Variants in PRDM1 observed in about 807,000 individuals in gnomAD.
The protein encoded by PRDM1 is PR domain zinc finger protein 1.
Under a neutral mutation model 62.8 loss-of-function variants are expected in PRDM1, and 13 were observed. That is an observed-to-expected ratio of 0.21 (90% CI 0.13 to 0.33). The LOEUF is 0.33. Ranked by LOEUF, PRDM1 falls within the 10% of genes least tolerant of loss-of-function variation. The pLI is 1.00. For missense variants in PRDM1, 895 were observed against 1,058.8 expected (o/e 0.85, Z 2.15); for synonymous variants, 396 against 417.6 (o/e 0.95, Z 0.63).
chr6:106,068,215 C>G (rs560980385), intron 1 of PRDM1, among the ~76,000 whole-genome samples: 3 of 152,186 alleles, frequency 2.0e-5, no homozygotes, highest in Non-Finnish European at 4.4e-5. Flanking sequence ...CCTCAGTCTC[C>G]CTGGTAGCTG....
At chr6:106,007,120 G>A (rs1772493208) in intron 1 of PRDM1, among the ~76,000 whole-genome samples, 1 of 151,624 alleles carries the variant, frequency 6.6e-6, no homozygotes, top group East Asian at 1.9e-4. Context: ...TGTTCTTTAG[G>A]AGTTGGTGAA....
At chr6:106,055,757 T>C (rs1773255848) in intron 1 of PRDM1, among the ~76,000 whole-genome samples, 1 of 152,244 alleles carries the variant, frequency 6.6e-6, no homozygotes, top group African/African-American at 2.4e-5. Flanking sequence ...GTTTATTAAC[T>C]AACTTTCTTG....
rs2114650828 is a variant in PRDM1, at chr6:106,104,973, T to C, written c.813T>C (p.Ile271=). 1 of 1,613,954 alleles carries C rather than the reference T, an allele frequency of 6.2e-7. No homozygotes were observed. The highest frequency in any genetic ancestry group is 8.5e-7 in the Non-Finnish European group (1 of 1,179,996). ...SKGKDLYRSN[I]SPLTSEKDLD... ...GAAAGGACCTCTACCGTTCTAACAT[T>C]TCACCCCTCACATCAGAAAAGGACC... Residue 271 remains isoleucine, a synonymous_variant, in exon 5 of 7, where the codon ATT becomes ATC. Transcript: ENST00000369096.
chr6:106,071,376 C>T (rs576573784), intron 1 of PRDM1, among the ~76,000 whole-genome samples: 14 of 151,972 alleles, frequency 9.2e-5, no homozygotes, highest in South Asian at 8.3e-4. Flanking sequence ...ATGTAAGTCA[C>T]GTGTGTATAT....
intron 1 of PRDM1, among the ~76,000 whole-genome samples, chr6:106,032,639 G>C (rs1772861026): frequency 1.3e-5 from 2 of 151,940 alleles, no homozygotes; most frequent in Admixed American, 6.6e-5. Flanking sequence ...GGTTCACCAT[G>C]TTGGCCATGG....
chr6:106,030,946 G>A (rs1303979133), intron 1 of PRDM1, among the ~76,000 whole-genome samples: 3 of 150,390 alleles, frequency 2.0e-5, no homozygotes, highest in Non-Finnish European at 2.9e-5. Context: ...TATGCCTAAA[G>A]AAGTTAACAA....
rs529535840 is a variant in PRDM1 at position 106,012,423 on chromosome 6, A to G, written c.-67+18784A>G. Among the ~76,000 whole-genome samples, 31 of 150,902 alleles carry G rather than the reference A, an allele frequency of 2.1e-4. 1 individual carries two copies. In the South Asian group the frequency reaches 6.3e-3, roughly 31 times the overall value. On this transcript the variant is annotated intron_variant, in intron 1 of 6. Coordinates refer to the PRDM1 transcript ENST00000652320. Reference sequence around the variant, plus strand: ...CCACATACACACATACACAAAAAACATACTACATACACACAAACATATCAC... The same window carrying G: ...CCACATACACACATACACAAAAAACGTACTACATACACACAAACATATCAC...
At chr6:106,031,936 T>C (rs574788353) in intron 1 of PRDM1, among the ~76,000 whole-genome samples, 70 of 152,240 alleles carry the variant, frequency 4.6e-4, no homozygotes, top group Non-Finnish European at 7.9e-4. Flanking sequence ...ACCATAGCTG[T>C]CTCCTTTAAT....
In PRDM1 at chr6:106,107,547, T is replaced by C. The variant is rs1774532836; in HGVS notation, c.*61T>C. On this transcript the variant is annotated 3_prime_UTR_variant, in exon 7 of 7. Transcript: ENST00000369096. ...ATGACTTGGTGAGTCAGGGTGCCTG[T>C]AGGAAGTGGCTTGTACATAATCCCA... 11 of 1,438,730 alleles carry C rather than the reference T, an allele frequency of 7.6e-6. No homozygotes were observed. Among genetic ancestry groups the C allele is most frequent in the Non-Finnish European group, 1.0e-5 (11 of 1,063,200 alleles). 89.1% of individuals were successfully genotyped at this position (1,438,730 alleles called of 1,614,324 possible). A position where few individuals can be genotyped will look rare whatever the true frequency, so the allele number is the denominator to read the frequency against.
At chr6:106,103,220 A>G (rs1774329666) in intron 4 of PRDM1, among the ~76,000 whole-genome samples, 1 of 152,100 alleles carries the variant, frequency 6.6e-6, no homozygotes, top group Admixed American at 6.5e-5. Flanking sequence ...AACCGCTGGC[A>G]GGAGATAACA....
Position 106,086,453 on chromosome 6 carries a change from A to G in PRDM1, c.-101A>G, listed in dbSNP as rs1383283597. ...ACGCGGGCGCCCGGGCGGCCGGACG[A>G]AGCGAGGAGGGACCGCCGAGGTGCG... On this transcript the variant is annotated 5_prime_UTR_variant, in exon 1 of 7. Transcript: ENST00000369096. 1.4e-5 allele frequency: 17 copies of G among 1,226,024 alleles called. No individual in the cohort carries two copies. Among genetic ancestry groups the G allele is most frequent in the South Asian group, 8.3e-5 (6 of 72,140 alleles). The allele number at this position is 1,226,024 out of a possible 1,614,324, so 75.9% of individuals were successfully genotyped here.
intron 1 of PRDM1, among the ~76,000 whole-genome samples, chr6:106,056,250 A>T (rs1158851866): frequency 1.3e-5 from 2 of 152,164 alleles, no homozygotes; most frequent in Non-Finnish European, 1.5e-5. Flanking sequence ...GTGAGCCCTC[A>T]GCAGCGAAAT....
At chr6:106,074,774 A>T (rs1369398703) in intron 1 of PRDM1, among the ~76,000 whole-genome samples, 1 of 152,208 alleles carries the variant, frequency 6.6e-6, no homozygotes, top group Non-Finnish European at 1.5e-5. Context: ...CAGGAGTTCA[A>T]GACCAGCCTG....
At chr6:106,096,838 T>C (rs747083083) in intron 3 of PRDM1, among the ~76,000 whole-genome samples, 8 of 152,204 alleles carry the variant, frequency 5.3e-5, no homozygotes, top group Non-Finnish European at 8.8e-5. Flanking sequence ...CCTCAGAAGA[T>C]AAAGAATTTA....
chr6:106,043,856 A>C (rs1353409308), upstream of PRDM1, among the ~76,000 whole-genome samples: 2 of 152,176 alleles, frequency 1.3e-5, no homozygotes, highest in Non-Finnish European at 2.9e-5. Flanking sequence ...TTTTTAATCG[A>C]ATTAACTGTC....
At chr6:106,072,516 T>C (rs1773535112) in intron 1 of PRDM1, among the ~76,000 whole-genome samples, 1 of 152,198 alleles carries the variant, frequency 6.6e-6, no homozygotes. Context: ...GGGAAGAATA[T>C]ATATAGAGAG....
intron 1 of PRDM1, among the ~76,000 whole-genome samples, chr6:106,071,662 G>C (rs1773522980): frequency 6.6e-6 from 1 of 152,090 alleles, no homozygotes; most frequent in African/African-American, 2.4e-5. Context: ...CAGGTCCTTG[G>C]CCTCATTATC....
In PRDM1 at chr6:106,105,489, G is replaced by A. The variant is rs774410610; in HGVS notation, c.1329G>A (p.Leu443=). ...GINNFGLFPR[L]CPVYSNLLGG... The stretch of plus-strand genomic sequence containing the variant: ...ACAACTTTGGCCTCTTCCCGAGGCT[G>A]TGCCCTGTCTACAGCAATCTCCTCG... Residue 443 remains leucine, a synonymous_variant, in exon 5 of 7, where the codon CTG becomes CTA. Coordinates refer to ENST00000369096, the MANE Select transcript of PRDM1 (RefSeq NM_001198.4). 1.9e-6 allele frequency: 3 copies of A among 1,613,936 alleles called. No individual in the cohort carries two copies. In the African/African-American group the frequency reaches 4.0e-5, roughly 22 times the overall value.
chr6:106,100,796 G>A (rs940584555), intron 4 of PRDM1, among the ~76,000 whole-genome samples: 2 of 152,140 alleles, frequency 1.3e-5, no homozygotes, highest in African/African-American at 2.4e-5. Flanking sequence ...AGGGGAGGTC[G>A]TGTGTTTGGG....
Sources: allele counts gnomAD v4.1 joint callset (sites outside exome capture counted in the v4.1 genomes callset), GRCh38; gene constraint gnomAD v4.1.1; transcripts MANE v1.5; gene names NCBI Gene and HGNC (gene_info 2026-07-23, HGNC 2026-07-21).